Variants in LRRC71 observed in about 807,000 individuals in gnomAD.
LRRC71 encodes the protein leucine rich repeat containing 71.
Under a neutral mutation model 66.6 loss-of-function variants are expected in LRRC71, and 54 were observed. That is an observed-to-expected ratio of 0.81 (90% CI 0.65 to 1.02). LRRC71 has a LOEUF of 1.02. Ranked by LOEUF, LRRC71 falls within the 50% of genes least tolerant of loss-of-function variation. LRRC71 has a pLI of 0.00. For synonymous variants in LRRC71, 323 were observed against 303.9 expected (o/e 1.06, Z -0.65); for missense variants, 724 against 718.0 (o/e 1.01, Z -0.10).
downstream of LRRC71, chr1:156,937,459 C>T (rs748039263): frequency 3.2e-5 from 49 of 1,542,200 alleles, no homozygotes; most frequent in Admixed American, 2.7e-4. Flanking sequence ...TGCTTGAGTC[C>T]GGGGGTCCTG....
At chr1:156,921,743 A>ACC (rs1558163576) in intron 1 of LRRC71, 1 of 533,980 alleles carries the variant, frequency 1.9e-6, no homozygotes, top group East Asian at 1.4e-4. Flanking sequence ...ACACACACAC[A>ACC]CACACACACA....
chr1:156,931,899 G>A lies in LRRC71; in HGVS notation c.1330-17G>A. ...GCTCCCCTGCTGTCTGCTGCAATTA[G>A]TATTCTGCTTTAGCAGCTGGTTGTT... On this transcript the variant is annotated splice_polypyrimidine_tract_variant and intron_variant, in intron 12 of 14. Coordinates refer to ENST00000337428, the MANE Select transcript of LRRC71 (RefSeq NM_144702.3). 1 of 1,556,078 alleles carries A rather than the reference G, an allele frequency of 6.4e-7. No homozygotes were observed. The highest frequency in any genetic ancestry group is 1.2e-5 in the South Asian group (1 of 84,724).
chr1:156,934,797 T>C (rs1571088985), downstream of LRRC71: 1 of 151,556 alleles, frequency 6.6e-6, no homozygotes, highest in Non-Finnish European at 1.5e-5. Context: ...ACAAACACCG[T>C]ACCTTTTATC....
At chr1:156,924,281 G>A in intron 2 of LRRC71, 143 bp from the exon 3 acceptor site, 1 of 1,322,040 alleles carries the variant, frequency 7.6e-7, no homozygotes, top group Admixed American at 2.4e-5. Context: ...CAGCAGAGGC[G>A]CGAGTGGCCG....
chr1:156,939,772 C>T, the LRRC71 span: 1 of 1,613,890 alleles, frequency 6.2e-7, no homozygotes, highest in Admixed American at 1.7e-5. Context: ...CCCTGGGGAG[C>T]CTGGGTCCCA....
At chr1:156,931,831 C>T (rs1654410146) in intron 12 of LRRC71, 85 bp from the exon 13 acceptor site, 29 of 1,104,596 alleles carry the variant, frequency 2.6e-5, no homozygotes, top group Non-Finnish European at 3.7e-5. Context: ...GCAGTCAAAA[C>T]ATGTATGTTG....
In LRRC71 at chr1:156,924,002, C is replaced by T. The variant is rs1024096860; in HGVS notation, c.214C>T (p.Arg72Trp). 6.5e-7 allele frequency: 1 copy of T among 1,547,002 alleles called. No homozygotes were observed. The change falls in exon 2 of 15, where the codon CGG (arginine) becomes TGG (tryptophan). Residue 72 changes from arginine to tryptophan, a missense_variant. Transcript: ENST00000337428. ...GACCGACTTCGCCGAGCTCTGCACG[C>T]GGTGGGGCTACACGGACTTCCCCAA... ...LETDFAELCT[R>W]WGYTDFPKVV...
Position 156,920,912 on chromosome 1 carries a change from A to G in LRRC71, c.109A>G (p.Lys37Glu), listed in dbSNP as rs1652254381. ...AAAGGGAGAGCGCGCGGCCAAAGAGAAGCCAGCGACCGTTCTGCCTCCCGT... is the reference window on the plus strand; with the variant it reads ...AAAGGGAGAGCGCGCGGCCAAAGAGGAGCCAGCGACCGTTCTGCCTCCCGT... The part of the protein sequence containing the change: ...TKKGERAAKE[K>E]PATVLPPVGE... The change falls in exon 1 of 15, where the codon AAG (lysine) becomes GAG (glutamate). Residue 37 changes from lysine (K) to glutamate (E), a missense_variant. Transcript: ENST00000337428. This position sits in a 1 kb window ranked among gnomAD's most constrained non-coding sequence, Gnocchi z 4.9. 3.2e-6 allele frequency: 5 copies of G among 1,541,032 alleles called. No homozygotes were observed. Among genetic ancestry groups the G allele is most frequent in the East Asian group, 2.5e-5 (1 of 40,146 alleles).
At chr1:156,925,941 T>A (rs1462419216) in intron 5 of LRRC71, among the ~76,000 whole-genome samples, 2 of 152,216 alleles carry the variant, frequency 1.3e-5, no homozygotes. Context: ...GTAAATAATG[T>A]GTAAAAGTAA....
chr1:156,937,081 G>A, downstream of LRRC71: 1 of 1,575,720 alleles, frequency 6.3e-7, no homozygotes, highest in Non-Finnish European at 8.6e-7. Context: ...TCTGTGCTGG[G>A]CCTTGGGGAG....
At chr1:156,929,789 C>G in intron 11 of LRRC71, 60 bp downstream of exon 11, 2 of 1,431,500 alleles carry the variant, frequency 1.4e-6, no homozygotes, top group South Asian at 2.6e-5. Flanking sequence ...AGTGCCGGGC[C>G]GGGTGCAGGA....
chr1:156,922,901 C>T (rs1652602710), intron 1 of LRRC71, among the ~76,000 whole-genome samples: 1 of 152,202 alleles, frequency 6.6e-6, no homozygotes, highest in Non-Finnish European at 1.5e-5. Flanking sequence ...ATGAGGGGCT[C>T]TCCCAGCAGA....
At chr1:156,929,911 T>C (rs1654016737) in intron 11 of LRRC71, among the ~76,000 whole-genome samples, 182 bp downstream of exon 11, 1 of 152,148 alleles carries the variant, frequency 6.6e-6, no homozygotes. Flanking sequence ...AGCCCAGACA[T>C]CCTGACCCAC....
chr1:156,938,495 T>C, the LRRC71 span: 2 of 1,613,100 alleles, frequency 1.2e-6, no homozygotes, highest in Non-Finnish European at 1.7e-6. Context: ...AGGGACAACC[T>C]TGCTGCCTGC....
At chr1:156,937,976 G>A (rs937094814), downstream of LRRC71, among the ~76,000 whole-genome samples, 7 of 152,216 alleles carry the variant, frequency 4.6e-5, no homozygotes, top group African/African-American at 7.2e-5. Flanking sequence ...AGAGAGAGCT[G>A]GAGGAAGGAC....
chr1:156,921,096 T>A, intron 1 of LRRC71, 133 bp downstream of exon 1: 1 of 1,123,680 alleles, frequency 8.9e-7, no homozygotes, highest in Non-Finnish European at 1.2e-6. Flanking sequence ...CTCGGCTTGA[T>A]AGATGTTTCA....
chr1:156,926,683 T>C (rs112151445), intron 5 of LRRC71, among the ~76,000 whole-genome samples: 2,101 of 152,054 alleles, frequency 0.014, 49 homozygotes, highest in African/African-American at 0.048. Context: ...CAAGTGATTC[T>C]TCTGCCTCAG....
the LRRC71 span, chr1:156,939,872 G>A: frequency 6.2e-7 from 1 of 1,609,634 alleles, no homozygotes; most frequent in South Asian, 1.1e-5. Flanking sequence ...GTGTGACCTG[G>A]CAGCAGGCTC....
In LRRC71 at chr1:156,923,937, C is replaced by T; in HGVS notation, c.161-12C>T. 6.8e-7 allele frequency: 1 copy of T among 1,468,514 alleles called. No homozygotes were observed. Among genetic ancestry groups the T allele is most frequent in the African/African-American group, 1.4e-5 (1 of 70,264 alleles). The allele number at this position is 1,468,514 out of a possible 1,614,324, so 91.0% of individuals were successfully genotyped here. On this transcript the variant is annotated splice_polypyrimidine_tract_variant and intron_variant, in intron 1 of 14. Transcript: ENST00000337428. ...GTGGCCCCTTCTCTCACGCCCCTGC[C>T]TGCCCCCGCAGAGGAGTACCAGTGC...
Sources: allele counts gnomAD v4.1 joint callset (sites outside exome capture counted in the v4.1 genomes callset), GRCh38; gene constraint gnomAD v4.1.1; non-coding constraint Gnocchi (gnomAD v3.1); transcripts MANE v1.5; gene names NCBI Gene and HGNC (gene_info 2026-07-23, HGNC 2026-07-21).